The following PARN variants were observed in gnomAD, a reference collection of about 807,000 sequenced individuals.
PARN encodes poly(A)-specific ribonuclease.
In PARN, 71 loss-of-function variants were observed where a neutral mutation model predicts 102.8. The ratio of observed to expected loss-of-function variants is 0.69; its 90% CI spans 0.57 to 0.84. The LOEUF (loss-of-function observed/expected upper bound fraction) is 0.84, where lower values mean the gene tolerates loss of function less well. PARN is among the 40% of genes least tolerant of loss of function. The probability of loss-of-function intolerance (pLI) is 0.00; values close to 1 mark genes in which losing one functional copy is unlikely to be tolerated. For synonymous variants in PARN, 261 were observed against 252.9 expected (o/e 1.03, Z -0.30); for missense variants, 782 against 760.9 (o/e 1.03, Z -0.33).
At chr16:14,541,283 G>A (rs1247642903) in intron 21 of PARN, among the ~76,000 whole-genome samples, 1 of 151,698 alleles carries the variant, frequency 6.6e-6, no homozygotes, top group East Asian at 1.9e-4. Context: ...CTGGAAAACA[G>A]GAAGTTAGAG....
chr16:14,584,845 C>T (rs1457443219), intron 14 of PARN, 54 bp from the exon 15 acceptor site: 6 of 972,996 alleles, frequency 6.2e-6, no homozygotes, highest in Non-Finnish European at 9.4e-6. Context: ...TTTAAAATGT[C>T]TTTTACTCAA....
At chr16:14,603,636 C>A (rs144336621) in intron 11 of PARN, among the ~76,000 whole-genome samples, 6 of 152,168 alleles carry the variant, frequency 3.9e-5, no homozygotes, top group Non-Finnish European at 8.8e-5. Context: ...CACTATCCTA[C>A]GCCAGGTCAC....
chr16:14,520,270 CCAT>C (rs1254932379), intron 21 of PARN, among the ~76,000 whole-genome samples: 1 of 152,148 alleles, frequency 6.6e-6, no homozygotes, highest in Non-Finnish European at 1.5e-5. Flanking sequence ...TCAACAACCA[CCAT>C]GTGTGGCCCT....
intron 23 of PARN, among the ~76,000 whole-genome samples, chr16:14,444,743 C>T (rs558142355): frequency 3.9e-5 from 6 of 152,268 alleles, no homozygotes; most frequent in East Asian, 1.9e-4. Context: ...GTTGAGCACA[C>T]GAAACATGAC....
rs764385694 is a variant in PARN at position 14,599,921 on chromosome 16, G to A, written c.823C>T (p.His275Tyr). The A allele has an allele frequency of 1.2e-6, 2 of 1,603,042 alleles. No individual in the cohort carries two copies. Among genetic ancestry groups the A allele is most frequent in the Non-Finnish European group, 1.7e-6 (2 of 1,173,310 alleles). ...TCACTTACCGAATTAGCAATGGCGTGAATGACTCTAGAAAATCCCACAGCA... is the reference window on the plus strand; with the variant it reads ...TCACTTACCGAATTAGCAATGGCGTAAATGACTCTAGAAAATCCCACAGCA... ...NDAVGFSRVI[H>Y]AIANSGKLVI... is the part of the protein sequence containing the mutation. The change falls in exon 12 of 24, where the codon CAC becomes TAC. Residue 275 changes from histidine (H) to tyrosine (Y), a missense_variant. Physicochemically the swap from His to Tyr is moderately conservative, Grantham distance 83. Transcript: ENST00000437198.
chr16:14,561,157 CAA>C (rs749716960), intron 18 of PARN, among the ~76,000 whole-genome samples: 23 of 57,164 alleles, frequency 4.0e-4, no homozygotes, highest in East Asian at 5.3e-4. Flanking sequence ...AACTCCGTCT[CAA>C]AAAAAAAAAA....
At chr16:14,534,995 C>T (rs954598042) in intron 21 of PARN, among the ~76,000 whole-genome samples, 2 of 152,002 alleles carry the variant, frequency 1.3e-5, no homozygotes, top group Non-Finnish European at 2.9e-5. Context: ...CCACCATGCC[C>T]GGCTAATTTT....
chr16:14,551,968 AG>A (rs929430997), intron 21 of PARN, 52 bp downstream of exon 21: 1 of 1,190,184 alleles, frequency 8.4e-7, no homozygotes, highest in Non-Finnish European at 1.2e-6. Context: ...GGGCAGTGGG[AG>A]GGCAACCTCT....
chr16:14,464,104 A>C (rs902472978), intron 22 of PARN, among the ~76,000 whole-genome samples: 3 of 152,214 alleles, frequency 2.0e-5, no homozygotes, highest in Non-Finnish European at 2.9e-5. Flanking sequence ...CGGCCTCCCA[A>C]AGTGCTAGGA....
At chr16:14,494,577 A>C (rs536395490) in intron 21 of PARN, among the ~76,000 whole-genome samples, 1 of 152,228 alleles carries the variant, frequency 6.6e-6, no homozygotes, top group Non-Finnish European at 1.5e-5. Context: ...AGAGGAACAC[A>C]GTCTAGACTA....
intron 21 of PARN, among the ~76,000 whole-genome samples, chr16:14,516,827 G>A (rs778708434): frequency 7.2e-5 from 11 of 152,164 alleles, no homozygotes; most frequent in Admixed American, 3.9e-4. Context: ...GGTTATAAGC[G>A]TTAGCATAGA....
At chr16:14,628,051 T>A in intron 3 of PARN, 121 bp downstream of exon 3, 3 of 688,904 alleles carry the variant, frequency 4.4e-6, no homozygotes, top group African/African-American at 1.8e-5. Context: ...CATGGCTAGG[T>A]TTGAGGAGAA....
intron 3 of PARN, 123 bp from the exon 4 acceptor site, chr16:14,627,459 G>A: frequency 2.9e-6 from 2 of 678,378 alleles, no homozygotes; most frequent in East Asian, 2.7e-5. Context: ...CTTCCAATTA[G>A]AACAGATTAC....
chr16:14,577,195 T>G (rs1057185585), intron 18 of PARN, among the ~76,000 whole-genome samples: 1 of 152,174 alleles, frequency 6.6e-6, no homozygotes, highest in South Asian at 2.1e-4. Context: ...TCAAAATAAA[T>G]TAATCTTCAG....
At chr16:14,478,532 A>G (rs1310443472) in intron 22 of PARN, among the ~76,000 whole-genome samples, 1 of 152,168 alleles carries the variant, frequency 6.6e-6, no homozygotes, top group Non-Finnish European at 1.5e-5. Flanking sequence ...CTAATACTGG[A>G]AACAAGGCAG....
At chr16:14,582,391 A>G (rs1969588085) in intron 16 of PARN, 100 bp from the exon 17 acceptor site, 1 of 754,410 alleles carries the variant, frequency 1.3e-6, no homozygotes, top group Admixed American at 2.0e-5. Flanking sequence ...GAAATACCCT[A>G]AATAGGCAGA....
At chr16:14,480,405 T>G (rs762483691) in intron 22 of PARN, among the ~76,000 whole-genome samples, 7 of 152,054 alleles carry the variant, frequency 4.6e-5, no homozygotes, top group African/African-American at 1.7e-4. Flanking sequence ...AACCACAGAA[T>G]TGAAAAAATA....
chr16:14,502,013 TA>T (rs1016027116), intron 21 of PARN, among the ~76,000 whole-genome samples: 4 of 152,212 alleles, frequency 2.6e-5, no homozygotes, highest in African/African-American at 7.2e-5. Flanking sequence ...GTTCAGGATT[TA>T]AAAGAGTTAA....
At chr16:14,556,979 T>A (rs187513888) in intron 18 of PARN, among the ~76,000 whole-genome samples, 31 of 152,326 alleles carry the variant, frequency 2.0e-4, no homozygotes, top group African/African-American at 7.2e-4. Context: ...CATTTTATGT[T>A]TATCTTCCAA....
Sources: gnomAD v4.1 joint callset for allele counts (sites outside exome capture counted in the v4.1 genomes callset) on GRCh38, gnomAD v4.1.1 for gene constraint, MANE v1.5 for transcripts, NCBI Gene and HGNC (gene_info 2026-07-23, HGNC 2026-07-21) for gene names.